Variants in TSPAN10 observed in about 807,000 individuals in gnomAD.
The protein encoded by TSPAN10 is tetraspanin-10.
In TSPAN10, 11 loss-of-function variants were observed where a neutral mutation model predicts 15.0. The observed-to-expected ratio is 0.73, with a 90% CI of 0.46 to 1.21. The LOEUF (loss-of-function observed/expected upper bound fraction) is 1.21, where lower values mean the gene tolerates loss of function less well. Ranked by LOEUF, TSPAN10 falls within the 50% of genes most tolerant of loss-of-function variation. TSPAN10 has a pLI of 0.00. For missense variants in TSPAN10, 486 were observed against 470.6 expected, an observed-to-expected ratio of 1.03 and a Z score of -0.30; for synonymous variants, 241 against 226.2, an observed-to-expected ratio of 1.07 and a Z score of -0.59.
downstream of TSPAN10, chr17:81,648,641 G>C (rs1373096140): frequency 4.7e-6 from 1 of 214,654 alleles, no homozygotes; most frequent in Non-Finnish European, 9.2e-6. Context: ...TTCTGGGCTC[G>C]TGATGGTGGA....
At position 81,647,995 on chromosome 17, in the gene TSPAN10, C is replaced by A. The variant is rs1407524115; in HGVS notation, c.769C>A (p.Gln257Lys). 5.6e-6 allele frequency: 9 copies of A among 1,611,052 alleles called. No individual in the cohort carries two copies. The highest frequency in any genetic ancestry group is 7.6e-6 in the Non-Finnish European group (9 of 1,179,328). The change falls in exon 3 of 3, where the codon CAG becomes AAG. Residue 257 changes from glutamine (Q) to lysine (K), a missense_variant. Physicochemically the swap from Gln to Lys is moderately conservative, Grantham distance 53. Transcript: ENST00000611590. ...CGAAGATGGAGCCTCTGTCAACGAC[C>A]AGTGCGGCTTCGGGGTCCTGCGCCT...
chr17:81,640,456 T>C (rs967376836), upstream of TSPAN10, among the ~76,000 whole-genome samples: 23 of 151,912 alleles, frequency 1.5e-4, no homozygotes, highest in African/African-American at 5.1e-4. Flanking sequence ...ATGGCACTTA[T>C]TTATTTATTT....
chr17:81,638,485 A>T (rs2144369053), upstream of TSPAN10: 1 of 152,282 alleles, frequency 6.6e-6, no homozygotes, highest in South Asian at 2.1e-4. Context: ...TTTCGTAGAG[A>T]CGGAGTTTCT....
chr17:81,641,842 A>C (rs1215676851), upstream of TSPAN10, among the ~76,000 whole-genome samples: 1 of 151,398 alleles, frequency 6.6e-6, no homozygotes, highest in Non-Finnish European at 1.5e-5. Context: ...GCGCCATTGC[A>C]CTCCAGCCTG....
chr17:81,645,386 G>A, exon 2 of TSPAN10: 1 of 1,600,250 alleles, frequency 6.2e-7, no homozygotes, highest in Non-Finnish European at 8.5e-7. Context: ...GGCGCCCTCT[G>A]TGAGAACACC....
Position 81,645,799 on chromosome 17 carries a change from C to G in TSPAN10, c.674+170C>G, listed in dbSNP as rs1414446149. ...CATATCCACACTGGCACGTCTCGTG[C>G]TCACAGGTTTCACGTGTGTGGACAC... On this transcript the variant is annotated intron_variant, in intron 2 of 2. Coordinates refer to ENST00000611590, the Ensembl canonical transcript of TSPAN10. 1.3e-5 allele frequency: 12 copies of G among 891,478 alleles called. No homozygotes were observed. In the East Asian group the frequency reaches 3.2e-4, roughly 23 times the overall value. The allele number at this position is 891,478 out of a possible 1,614,324, so 55.2% of individuals were successfully genotyped here.
chr17:81,642,624 C>T (rs1172243351), intron 1 of TSPAN10, among the ~76,000 whole-genome samples, 176 bp downstream of exon 2: 1 of 152,238 alleles, frequency 6.6e-6, no homozygotes, highest in East Asian at 1.9e-4. Context: ...CCCTTCCCCA[C>T]TGCGCAGTTC....
At chr17:81,642,400 T>G (rs754607606), upstream of TSPAN10, 228 of 1,613,408 alleles carry the variant, frequency 1.4e-4, no homozygotes, top group Non-Finnish European at 1.9e-4. Flanking sequence ...GGCTTTCTGT[T>G]CCAGCGTCAA....
chr17:81,648,614 C>T (rs2036294574), downstream of TSPAN10: 1 of 235,082 alleles, frequency 4.3e-6, no homozygotes, highest in African/African-American at 2.3e-5. Flanking sequence ...ACCTCCCTCC[C>T]CTGGGGCCGC....
upstream of TSPAN10, among the ~76,000 whole-genome samples, chr17:81,642,011 G>T (rs1260771131): frequency 6.6e-6 from 1 of 152,170 alleles, no homozygotes; most frequent in African/African-American, 2.4e-5. Context: ...ATTTACCAGG[G>T]TCTGATTCCC....
Position 81,647,273 on chromosome 17 carries a change from A to C in TSPAN10, c.675-628A>C, listed in dbSNP as rs185267994. On this transcript the variant is annotated intron_variant, in intron 2 of 2. Transcript: ENST00000611590. Reference sequence around the variant, plus strand: ...CCCATCCCCTGCCTAAGTGGGGCATACTCTTCTAGAGTGGAGAGGGCATGG... The same window carrying C: ...CCCATCCCCTGCCTAAGTGGGGCATCCTCTTCTAGAGTGGAGAGGGCATGG... 2.0e-5 allele frequency among the ~76,000 whole-genome samples: 3 copies of C among 151,974 alleles called. No individual in the cohort carries two copies. The East Asian group carries it at 5.8e-4, about 29-fold the overall frequency.
chr17:81,645,186 G>C, exon 2 of TSPAN10: 1 of 1,548,370 alleles, frequency 6.5e-7, no homozygotes, highest in Non-Finnish European at 8.7e-7. Context: ...GCTGCGTCAA[G>C]TATCTGATCT....
At chr17:81,648,445 C>A, downstream of TSPAN10, 1 of 750,212 alleles carries the variant, frequency 1.3e-6, no homozygotes, top group Non-Finnish European at 1.8e-6. Flanking sequence ...TCGCTCACTT[C>A]GCTCGCTCCG....
In TSPAN10 at chr17:81,644,985, T is replaced by C. The variant is rs1414483025; in HGVS notation, c.37-7T>C. On this transcript the variant is annotated splice_region_variant and splice_polypyrimidine_tract_variant and intron_variant, in intron 1 of 2. Transcript: ENST00000611590. ...GCGGTCTCACCCTGTTCCTCTTCCCTCTGCAGGAAACTGCAGGCCAGAAGC... is the reference window on the plus strand; with the variant it reads ...GCGGTCTCACCCTGTTCCTCTTCCCCCTGCAGGAAACTGCAGGCCAGAAGC... 1.1e-5 allele frequency: 18 copies of C among 1,610,106 alleles called. No homozygotes were observed. The highest frequency in any genetic ancestry group is 1.4e-5 in the Non-Finnish European group (17 of 1,179,534).
At chr17:81,646,690 A>AT (rs1568180755) in intron 2 of TSPAN10, 1 of 151,360 alleles carries the variant, frequency 6.6e-6, no homozygotes, top group African/African-American at 2.4e-5. Context: ...AAAAAAAAAA[A>AT]AGAAAAGAAA....
In TSPAN10 at chr17:81,648,244, C is replaced by T. The variant is rs1463512755; in HGVS notation, c.1018C>T (p.Gln340Ter). Residue 340 changes from glutamine (Q) to a stop codon, truncating the protein, a stop_gained, in exon 3 of 3, where the codon CAG becomes TAG. Coordinates refer to ENST00000611590, the Ensembl canonical transcript of TSPAN10. LOFTEE classifies it low-confidence loss of function (END_TRUNC). ...GCGCGGGGAGGACCGCGCTGGCCCC[C>T]AGAGCCCCAGCCCCGGCGCCCCGCC... 161 of 1,236,096 alleles carry T rather than the reference C, an allele frequency of 1.3e-4. No homozygotes were observed. The highest frequency in any genetic ancestry group is 1.6e-4 in the Non-Finnish European group (157 of 993,122). 76.6% of individuals were successfully genotyped at this position (1,236,096 alleles called of 1,614,324 possible).
At chr17:81,639,200 C>CTTTTTTTTTTTTTTTTTTTTTTT (rs757994889), upstream of TSPAN10, 1 of 115,252 alleles carries the variant, frequency 8.7e-6, no homozygotes, top group Non-Finnish European at 1.6e-5. Flanking sequence ...TTTGGAATTA[C>CTTTTTTTTTTTTTTTTTTTTTTT]TTTTCTTTTT....
At chr17:81,644,006 A>AT (rs1322175344) in intron 1 of TSPAN10, among the ~76,000 whole-genome samples, 15,221 of 124,062 alleles carry the variant, frequency 0.12, 1,522 homozygotes, top group Middle Eastern at 0.19. Flanking sequence ...CGCCCGGCTA[A>AT]TTTTTTTTTT....
intron 2 of TSPAN10, 25 bp downstream of exon 3, chr17:81,645,654 C>T: frequency 6.2e-7 from 1 of 1,609,400 alleles, no homozygotes; most frequent in Non-Finnish European, 8.5e-7. Context: ...GGGCGAGGGA[C>T]AGGGCCACCA....
Sources: allele counts gnomAD v4.1 joint callset (sites outside exome capture counted in the v4.1 genomes callset), GRCh38; gene constraint gnomAD v4.1.1; transcripts MANE v1.5; gene names NCBI Gene and HGNC (gene_info 2026-07-23, HGNC 2026-07-21).